Variants in RBFOX1 observed in about 807,000 individuals in gnomAD.
RBFOX1 encodes the protein RNA binding protein fox-1 homolog 1.
RBFOX1 carries 8 observed loss-of-function variants against 57.7 expected under a neutral mutation model. That is an observed-to-expected ratio of 0.14 (90% CI 0.08 to 0.25). RBFOX1 has a LOEUF of 0.25. RBFOX1 is among the 10% of genes least tolerant of loss of function. The probability of loss-of-function intolerance (pLI) is 1.00; values close to 1 mark genes in which losing one functional copy is unlikely to be tolerated. For synonymous variants in RBFOX1, 326 were observed against 222.4 expected (o/e 1.47, Z -4.15); for missense variants, 611 against 548.5 (o/e 1.11, Z -1.14).
intron 1 of RBFOX1, among the ~76,000 whole-genome samples, chr16:6,292,846 C>T (rs1249011882): frequency 5.3e-5 from 8 of 152,170 alleles, no homozygotes; most frequent in Non-Finnish European, 1.2e-4. Context: ...CTGAGCACTT[C>T]CGTTTTCTAC....
rs143663695 is a variant in RBFOX1, at chr16:6,673,915, C to A, written c.-16+19265C>A. ...GAGGAAGTGCCATATTGGGAGGATC[C>A]TGAAAGACTGGCCAGGTGGAATGGA... On this transcript the variant is annotated intron_variant, in intron 3 of 15. Coordinates refer to ENST00000550418, the MANE Select transcript of RBFOX1 (RefSeq NM_018723.4). 3.2e-3 allele frequency among the ~76,000 whole-genome samples: 494 copies of A among 152,238 alleles called. 4 individuals carry two copies. Among genetic ancestry groups the A allele is most frequent in the African/African-American group, 0.011 (439 of 41,538 alleles).
chr16:6,922,522 C>A (rs1006142911), intron 3 of RBFOX1, among the ~76,000 whole-genome samples: 2 of 152,098 alleles, frequency 1.3e-5, no homozygotes, highest in East Asian at 1.9e-4. Context: ...CATTTAAAAT[C>A]TTTTATTTTC....
chr16:7,204,637 CTG>C (rs2152743845), intron 4 of RBFOX1, among the ~76,000 whole-genome samples: 2 of 152,272 alleles, frequency 1.3e-5, no homozygotes, highest in South Asian at 4.1e-4. Flanking sequence ...CAGAACAAGA[CTG>C]TGTCTTAAGA....
intron 3 of RBFOX1, among the ~76,000 whole-genome samples, chr16:6,943,902 C>G (rs528813998): frequency 6.6e-6 from 1 of 151,980 alleles, no homozygotes; most frequent in Admixed American, 6.6e-5. Flanking sequence ...TCCCTTTTTT[C>G]GTCTATAAAT....
chr16:7,481,977 G>T (rs570042535), intron 4 of RBFOX1, among the ~76,000 whole-genome samples: 26 of 152,292 alleles, frequency 1.7e-4, no homozygotes, highest in Admixed American at 9.2e-4. Context: ...GCGAGATACG[G>T]TTTCTCCTGA....
At chr16:7,577,769 C>T (rs556964873) in intron 5 of RBFOX1, among the ~76,000 whole-genome samples, 4 of 152,166 alleles carry the variant, frequency 2.6e-5, no homozygotes, top group African/African-American at 4.8e-5. Context: ...TATAATGGCT[C>T]ATGCCTGTAA....
chr16:6,924,748 T>C (rs368695117), intron 3 of RBFOX1, among the ~76,000 whole-genome samples: 2 of 151,858 alleles, frequency 1.3e-5, no homozygotes, highest in Non-Finnish European at 2.9e-5. Context: ...TGTTACATAT[T>C]TATACATGTG....
At chr16:6,845,083 C>T (rs1274148263) in intron 3 of RBFOX1, among the ~76,000 whole-genome samples, 1 of 152,134 alleles carries the variant, frequency 6.6e-6, no homozygotes, top group South Asian at 2.1e-4. Flanking sequence ...GATATTAGAC[C>T]TTTGTCAGAT....
intron 3 of RBFOX1, among the ~76,000 whole-genome samples, chr16:6,786,811 G>A (rs969767918): frequency 6.6e-6 from 1 of 152,112 alleles, no homozygotes; most frequent in Non-Finnish European, 1.5e-5. Context: ...CGAGGGTCAT[G>A]GTCACAATTG....
At chr16:6,404,728 C>T (rs528111934) in intron 2 of RBFOX1, among the ~76,000 whole-genome samples, 150 of 152,194 alleles carry the variant, frequency 9.9e-4, no homozygotes, top group African/African-American at 3.5e-3. Flanking sequence ...CAGATTCTTT[C>T]CTGAGCTGAA....
At chr16:5,723,114 C>G (rs990513433) in intron 3 of RBFOX1, among the ~76,000 whole-genome samples, 2 of 152,158 alleles carry the variant, frequency 1.3e-5, no homozygotes, top group Non-Finnish European at 2.9e-5. Context: ...TTCCTTTTAC[C>G]TCAGAGTCAT....
intron 2 of RBFOX1, among the ~76,000 whole-genome samples, chr16:6,556,501 G>A (rs570670002): frequency 6.6e-6 from 1 of 152,170 alleles, no homozygotes; most frequent in Non-Finnish European, 1.5e-5. Context: ...TTCCCAGGAA[G>A]TCCACGGCGC....
chr16:5,610,356 G>A (rs745580583), intron 3 of RBFOX1: 1 of 152,200 alleles, frequency 6.6e-6, no homozygotes, highest in Non-Finnish European at 1.5e-5. Context: ...TGTCTCACGG[G>A]GTTCTGTTGT....
Position 7,163,648 on chromosome 16 carries a change from G to T in RBFOX1, c.27+111550G>T, listed in dbSNP as rs1601558608. ...TCAAGTTTTATTTATGTGTTTTTCT[G>T]TTTTTTTAATTTAAAAATTTAATTT... On this transcript the variant is annotated intron_variant, in intron 4 of 15. Transcript: ENST00000550418. Among the ~76,000 whole-genome samples the T allele has an allele frequency of 2.6e-5, 4 of 151,618 alleles. No homozygotes were observed. In the East Asian group the frequency reaches 7.7e-4, roughly 29 times the overall value.
chr16:5,290,257 G>T (rs1228159616), intron 1 of RBFOX1, among the ~76,000 whole-genome samples: 3 of 152,202 alleles, frequency 2.0e-5, no homozygotes, highest in Non-Finnish European at 4.4e-5. Flanking sequence ...AGCTACTTGG[G>T]AGGCTGAGGC....
At chr16:7,227,570 CA>C (rs1325004503) in intron 4 of RBFOX1, among the ~76,000 whole-genome samples, 1 of 152,200 alleles carries the variant, frequency 6.6e-6, no homozygotes. Context: ...AGTCCGAAAG[CA>C]TTGACTGAAA....
intron 1 of RBFOX1, among the ~76,000 whole-genome samples, chr16:6,127,560 T>G (rs927105694): frequency 2.0e-5 from 3 of 152,134 alleles, no homozygotes; most frequent in Admixed American, 1.3e-4. Flanking sequence ...AATTGCAGGT[T>G]AGGTGGTGGT....
chr16:5,735,603 AGTAC>A (rs1423347230), intron 3 of RBFOX1, among the ~76,000 whole-genome samples: 2 of 152,162 alleles, frequency 1.3e-5, no homozygotes, highest in Admixed American at 1.3e-4. Flanking sequence ...CCATGTAATA[AGTAC>A]GTGCATGGGC....
rs1417682572 is a variant in RBFOX1 at position 5,557,855 on chromosome 16, C to T, written c.259-41047C>T. 3.9e-5 allele frequency among the ~76,000 whole-genome samples: 6 copies of T among 152,204 alleles called. No individual in the cohort carries two copies. In the East Asian group the frequency reaches 1.2e-3, roughly 29 times the overall value. ...GCCTGCCATGCCCCTCGTCCTGGCC[C>T]CGTATAAACTCAAGACCTTAGTGGC... On this transcript the variant is annotated intron_variant, in intron 2 of 2. Coordinates refer to the RBFOX1 transcript ENST00000585867.
Sources: gnomAD v4.1 joint callset for allele counts (sites outside exome capture counted in the v4.1 genomes callset) on GRCh38, gnomAD v4.1.1 for gene constraint, MANE v1.5 for transcripts, NCBI Gene and HGNC (gene_info 2026-07-23, HGNC 2026-07-21) for gene names.